Variants in ANXA4 observed in about 807,000 individuals in gnomAD.
ANXA4 encodes the protein annexin A4, also known as 35-beta calcimedin.
A neutral mutation model predicts 49.8 loss-of-function variants in ANXA4; 39 were observed. That is an observed-to-expected ratio of 0.78 (90% CI 0.61 to 1.02). The LOEUF (loss-of-function observed/expected upper bound fraction) is 1.02, where lower values mean the gene tolerates loss of function less well. Ranked by LOEUF, ANXA4 falls within the 50% of genes least tolerant of loss-of-function variation. The pLI, the probability that ANXA4 is intolerant of heterozygous loss-of-function variation, is 0.00. For missense variants in ANXA4, 360 were observed against 410.1 expected, an observed-to-expected ratio of 0.88 and a Z score of 1.05; for synonymous variants, 134 against 152.5, an observed-to-expected ratio of 0.88 and a Z score of 0.89.
At chr2:69,803,572 ATGT>A (rs1171522277) in intron 3 of ANXA4, 7 of 152,360 alleles carry the variant, frequency 4.6e-5, no homozygotes, top group Admixed American at 4.6e-4. Context: ...TTTTGGTAAG[ATGT>A]TGTATCATGG....
chr2:69,709,849 A>G (rs1315574144), intron 2 of ANXA4, among the ~76,000 whole-genome samples: 1 of 152,176 alleles, frequency 6.6e-6, no homozygotes, highest in Non-Finnish European at 1.5e-5. Context: ...TTAATTATTT[A>G]TGACACTTTC....
chr2:69,685,021 A>C (rs1677737790), intron 2 of ANXA4, among the ~76,000 whole-genome samples: 1 of 152,202 alleles, frequency 6.6e-6, no homozygotes, highest in Admixed American at 6.5e-5. Flanking sequence ...AACAATCGTC[A>C]GGGATATTTG....
chr2:69,675,376 A>G (rs907503888), intron 2 of ANXA4, among the ~76,000 whole-genome samples: 1 of 152,242 alleles, frequency 6.6e-6, no homozygotes, highest in African/African-American at 2.4e-5. Context: ...ATGACCTTAT[A>G]GTCATGTTGA....
chr2:69,695,711 C>T (rs1190757615), intron 2 of ANXA4, among the ~76,000 whole-genome samples: 1 of 152,098 alleles, frequency 6.6e-6, no homozygotes, highest in Non-Finnish European at 1.5e-5. Context: ...CTCTGAGATA[C>T]AGGCATACCT....
chr2:69,690,880 T>C (rs938783405), intron 2 of ANXA4, among the ~76,000 whole-genome samples: 1 of 152,200 alleles, frequency 6.6e-6, no homozygotes, highest in Non-Finnish European at 1.5e-5. Context: ...GTACTGTTTG[T>C]AAAACAAAGC....
chr2:69,675,130 G>A (rs1028118010), intron 2 of ANXA4, among the ~76,000 whole-genome samples: 1 of 152,050 alleles, frequency 6.6e-6, no homozygotes, highest in Admixed American at 6.6e-5. Context: ...CACTGTGTTA[G>A]CCAGGATGGT....
intron 2 of ANXA4, among the ~76,000 whole-genome samples, chr2:69,677,000 A>G (rs1422588532): frequency 1.3e-5 from 2 of 152,050 alleles, no homozygotes; most frequent in Non-Finnish European, 2.9e-5. Flanking sequence ...TTTCTTGTAG[A>G]GATAGGTTCT....
At chr2:69,750,709 T>C (rs1670805244) in intron 1 of ANXA4, among the ~76,000 whole-genome samples, 1 of 152,262 alleles carries the variant, frequency 6.6e-6, no homozygotes, top group Non-Finnish European at 1.5e-5. Context: ...CCATGGTGCC[T>C]GACCTAGCTC....
intron 1 of ANXA4, among the ~76,000 whole-genome samples, chr2:69,751,951 A>G (rs1670860780): frequency 6.6e-6 from 1 of 152,244 alleles, no homozygotes; most frequent in Non-Finnish European, 1.5e-5. Flanking sequence ...TAAGTAAATC[A>G]ATAATTAAAA....
At chr2:69,713,181 G>GT (rs2105410577) in intron 2 of ANXA4, among the ~76,000 whole-genome samples, 1 of 149,158 alleles carries the variant, frequency 6.7e-6, no homozygotes, top group South Asian at 2.1e-4. Context: ...TTATTATGAA[G>GT]TAAAAAAAAA....
At chr2:69,757,163 A>G (rs1248325829) in intron 1 of ANXA4, among the ~76,000 whole-genome samples, 1 of 147,536 alleles carries the variant, frequency 6.8e-6, no homozygotes, top group African/African-American at 2.5e-5. Context: ...TCCTAACCTC[A>G]GGTGATCTGC....
In ANXA4 at chr2:69,790,109, G is replaced by T. The variant is rs367785109; in HGVS notation, c.97+1968G>T. ...GTTAGAAGAGAAGTGCTTTTTTTTTGAACTGCATGAGGTTAGAAAGGGAGC... is the reference window on the plus strand; with the variant it reads ...GTTAGAAGAGAAGTGCTTTTTTTTTTAACTGCATGAGGTTAGAAAGGGAGC... On this transcript the variant is annotated intron_variant, in intron 3 of 12. Transcript: ENST00000394295. Among the ~76,000 whole-genome samples the T allele has an allele frequency of 6.6e-5, 10 of 151,308 alleles. No individual in the cohort carries two copies. In the South Asian group the frequency reaches 8.3e-4, roughly 13 times the overall value.
intron 2 of ANXA4, among the ~76,000 whole-genome samples, chr2:69,786,727 T>A (rs913669904): frequency 6.6e-6 from 1 of 152,198 alleles, no homozygotes; most frequent in African/African-American, 2.4e-5. Flanking sequence ...CTGTTTTTTG[T>A]CTTTGTTTTT....
chr2:69,808,107 G>A (rs1486664526), intron 6 of ANXA4, 111 bp downstream of exon 6: 1 of 993,122 alleles, frequency 1.0e-6, no homozygotes, highest in African/African-American at 1.6e-5. Flanking sequence ...CTGAGCATGA[G>A]GGATCCTCGG....
At chr2:69,693,202 C>T (rs1191693611) in intron 2 of ANXA4, among the ~76,000 whole-genome samples, 2 of 152,096 alleles carry the variant, frequency 1.3e-5, no homozygotes, top group African/African-American at 4.8e-5. Flanking sequence ...TAGCTGCCTG[C>T]AATGCAGTTC....
At chr2:69,711,122 G>T (rs954372820) in intron 2 of ANXA4, among the ~76,000 whole-genome samples, 3 of 152,170 alleles carry the variant, frequency 2.0e-5, no homozygotes, top group Non-Finnish European at 4.4e-5. Flanking sequence ...TTGAGATCAG[G>T]AGTTTGAGAC....
intron 1 of ANXA4, among the ~76,000 whole-genome samples, chr2:69,762,206 G>T (rs1218576832): frequency 6.6e-6 from 1 of 152,198 alleles, no homozygotes; most frequent in Non-Finnish European, 1.5e-5. Flanking sequence ...CCATATTGGG[G>T]TATAGAGACA....
chr2:69,646,066 T>TA (rs1675999203), intron 1 of ANXA4, among the ~76,000 whole-genome samples: 1 of 152,112 alleles, frequency 6.6e-6, no homozygotes, highest in Non-Finnish European at 1.5e-5. Flanking sequence ...CGTGAATAGT[T>TA]AGAAACCCAC....
At chr2:69,786,851 A>G (rs1320624808) in intron 2 of ANXA4, among the ~76,000 whole-genome samples, 2 of 151,980 alleles carry the variant, frequency 1.3e-5, no homozygotes, top group Non-Finnish European at 2.9e-5. Context: ...CTTCCTGAGT[A>G]GCTGGGACTA....
Sources: allele counts gnomAD v4.1 joint callset (sites outside exome capture counted in the v4.1 genomes callset), GRCh38; gene constraint gnomAD v4.1.1; transcripts MANE v1.5; gene names NCBI Gene and HGNC (gene_info 2026-07-23, HGNC 2026-07-21).